Variants in LRP5 observed in about 807,000 individuals in gnomAD.
LRP5 encodes the protein low-density lipoprotein receptor-related protein 5.
LRP5 carries 62 observed loss-of-function variants against 154.1 expected under a neutral mutation model. That is an observed-to-expected ratio of 0.40 (90% confidence interval 0.33 to 0.50). The LOEUF (loss-of-function observed/expected upper bound fraction) is 0.50, where lower values mean the gene tolerates loss of function less well. Ranked by LOEUF, LRP5 falls within the 20% of genes least tolerant of loss-of-function variation. The pLI is 0.55. For missense variants in LRP5, 1,915 were observed against 2,336.7 expected (o/e 0.82, Z 3.72); for synonymous variants, 966 against 1,011.5 (o/e 0.96, Z 0.85).
At chr11:68,379,249 A>G (rs2098639054) in intron 5 of LRP5, among the ~76,000 whole-genome samples, 1 of 152,102 alleles carries the variant, frequency 6.6e-6, no homozygotes, top group South Asian at 2.1e-4. Context: ...TAGGTAAAAT[A>G]AGTACATTTT....
intron 5 of LRP5, among the ~76,000 whole-genome samples, chr11:68,372,223 GGT>G (rs2098634423): frequency 6.6e-6 from 1 of 151,810 alleles, no homozygotes. Context: ...GGACCGTGGC[GGT>G]GAGGAGGTGC....
At chr11:68,316,873 G>C (rs2098593701) in intron 1 of LRP5, among the ~76,000 whole-genome samples, 1 of 152,250 alleles carries the variant, frequency 6.6e-6, no homozygotes, top group African/African-American at 2.4e-5. Context: ...TGAGGGCCAA[G>C]TTCAGGTTAC....
chr11:68,400,609 G>A lies in LRP5; in HGVS notation c.1585-2874G>A, dbSNP rs148251928. Reference sequence around the variant, plus strand: ...TACAAAATTAGCCAGGCATGGTGGCGCCTGCCTATAATCCCAGCTAAGGCA... The same window carrying A: ...TACAAAATTAGCCAGGCATGGTGGCACCTGCCTATAATCCCAGCTAAGGCA... On this transcript the variant is annotated intron_variant, in intron 7 of 22. Coordinates refer to ENST00000294304, the MANE Select transcript of LRP5 (RefSeq NM_002335.4). 5.2e-3 allele frequency among the ~76,000 whole-genome samples: 798 copies of A among 152,012 alleles called. 6 individuals carry two copies. The highest frequency in any genetic ancestry group is 0.018 in the African/African-American group (752 of 41,468).
At chr11:68,311,170 G>A (rs577815134), upstream of LRP5, among the ~76,000 whole-genome samples, 1 of 152,294 alleles carries the variant, frequency 6.6e-6, no homozygotes, top group South Asian at 2.1e-4. Flanking sequence ...ATGCAGGGTG[G>A]AAGAAGGGAA....
Position 68,353,007 on chromosome 11 carries a change from G to C in LRP5, c.489-4643G>C, listed in dbSNP as rs868813391. ...TTGATTGGGAGGTGCTTGGCATTTG[G>C]TTGGGAGGTACTTGGTGCTTGGTTG... is the stretch of plus-strand genomic sequence containing the variant. On this transcript the variant is annotated intron_variant, in intron 2 of 22. Transcript: ENST00000294304. This position sits in a 1 kb window ranked among gnomAD's most constrained non-coding sequence, Gnocchi z 4.5. Among the ~76,000 whole-genome samples the C allele has an allele frequency of 6.6e-6, 1 of 152,154 alleles. No individual in the cohort carries two copies. The highest frequency in any genetic ancestry group is 2.1e-4 in the South Asian group (1 of 4,836).
chr11:68,425,425 G>T, intron 15 of LRP5, 133 bp downstream of exon 15: 1 of 916,116 alleles, frequency 1.1e-6, no homozygotes, highest in East Asian at 2.6e-5. Context: ...AGCGTGTTTT[G>T]TCCTCACACT....
At position 68,423,544 on chromosome 11, in the gene LRP5, A is replaced by G. The variant is rs1388021281; in HGVS notation, c.3083A>G (p.Asp1028Gly). The G allele has an allele frequency of 1.2e-6, 2 of 1,614,056 alleles. No homozygotes were observed. Among genetic ancestry groups the G allele is most frequent in the African/African-American group, 2.7e-5 (2 of 74,920 alleles). ...CAAAACCCAGACAGGCAGCCCCACG[A>G]CCTCAGCATCGACATCTACAGCCGG... ...QGQNPDRQPH[D>G]LSIDIYSRTL... is the part of the protein sequence containing the mutation. The change falls in exon 14 of 23, where the codon GAC (aspartate) becomes GGC (glycine). Residue 1028 changes from aspartate to glycine, a missense_variant. Asp to Gly is a moderately conservative substitution (Grantham distance 94). Around this residue, in one of 3 missense-constraint regions of LRP5, gnomAD observed 1,094 missense variants for 1,210.1 expected, o/e 0.90. Transcript: ENST00000294304. This position sits in a 1 kb window ranked among gnomAD's most constrained non-coding sequence, Gnocchi z 4.7.
intron 3 of LRP5, among the ~76,000 whole-genome samples, chr11:68,360,950 TC>T (rs2098627395): frequency 8.6e-6 from 1 of 116,680 alleles, no homozygotes; most frequent in African/African-American, 3.4e-5. Flanking sequence ...TGAGCTGAGA[TC>T]CCGCCACTGC....
chr11:68,412,061 G>A (rs1419516030), intron 11 of LRP5, among the ~76,000 whole-genome samples: 1 of 152,172 alleles, frequency 6.6e-6, no homozygotes, highest in Non-Finnish European at 1.5e-5. Context: ...CCCACCATGT[G>A]CTGGGATTGT....
intron 17 of LRP5, among the ~76,000 whole-genome samples, chr11:68,431,453 T>C (rs2098671869): frequency 6.6e-6 from 1 of 152,072 alleles, no homozygotes; most frequent in African/African-American, 2.4e-5. Flanking sequence ...TTGGCCAGGA[T>C]GGTCTTGAAC....
chr11:68,438,950 G>A (rs2098676589), intron 20 of LRP5, among the ~76,000 whole-genome samples: 1 of 152,190 alleles, frequency 6.6e-6, no homozygotes, highest in Admixed American at 6.5e-5. Context: ...TATTCTAGTA[G>A]GACATGTGCT....
intron 12 of LRP5, 64 bp from the exon 13 acceptor site, chr11:68,416,264 C>T: frequency 6.9e-7 from 1 of 1,446,676 alleles, no homozygotes; most frequent in Middle Eastern, 1.8e-4. Context: ...GCGTGCTATC[C>T]CGTCCTCCAG....
Position 68,389,825 on chromosome 11 carries a change from G to A in LRP5, c.1413-56G>A, listed in dbSNP as rs1460159366. On this transcript the variant is annotated intron_variant, in intron 6 of 22. Transcript: ENST00000294304. ...GGCAGGCCTTGCTCTTGGCACTGGGGATGCTGCAGAGACCAGACAGACTCA... is the reference window on the plus strand; with the variant it reads ...GGCAGGCCTTGCTCTTGGCACTGGGAATGCTGCAGAGACCAGACAGACTCA... The A allele has an allele frequency of 1.9e-6, 3 of 1,597,420 alleles. No individual in the cohort carries two copies. The African/African-American group carries it at 4.0e-5, about 21-fold the overall frequency.
chr11:68,385,463 T>C (rs1289084286), intron 5 of LRP5, among the ~76,000 whole-genome samples: 1 of 151,758 alleles, frequency 6.6e-6, no homozygotes, highest in Non-Finnish European at 1.5e-5. Flanking sequence ...TTACTGGGGG[T>C]CATCACTGTG....
At chr11:68,346,792 G>A (rs2098613331) in intron 1 of LRP5, among the ~76,000 whole-genome samples, 2 of 152,222 alleles carry the variant, frequency 1.3e-5, no homozygotes, top group Admixed American at 1.3e-4. Context: ...GCTCCCTGGA[G>A]GCCCTTAACC....
Position 68,423,446 on chromosome 11 carries a change from G to A in LRP5, c.3028-43G>A, listed in dbSNP as rs375830138. ...CAGGGGTCTCCGCCAGTGCCCAGGGGTCTCCGCCAGTGCTCAGGAGTCTTG... is the reference window on the plus strand; with the variant it reads ...CAGGGGTCTCCGCCAGTGCCCAGGGATCTCCGCCAGTGCTCAGGAGTCTTG... On this transcript the variant is annotated intron_variant, in intron 13 of 22. Coordinates refer to ENST00000294304, the MANE Select transcript of LRP5 (RefSeq NM_002335.4). The surrounding 1 kb of genome is among the most constrained non-coding windows in gnomAD (Gnocchi z 4.7). 1.9e-6 allele frequency: 3 copies of A among 1,581,524 alleles called. No homozygotes were observed. Among genetic ancestry groups the A allele is most frequent in the Admixed American group, 1.7e-5 (1 of 59,950 alleles).
At chr11:68,319,599 T>C (rs143916111) in intron 1 of LRP5, among the ~76,000 whole-genome samples, 1,916 of 152,260 alleles carry the variant, frequency 0.013, 48 homozygotes, top group African/African-American at 0.044. Flanking sequence ...CAAAGGATCT[T>C]CCTGCCTCAG....
At chr11:68,364,811 T>C (rs943631438) in intron 4 of LRP5, among the ~76,000 whole-genome samples, 9 of 152,248 alleles carry the variant, frequency 5.9e-5, no homozygotes, top group African/African-American at 2.2e-4. Context: ...AGCTGTTTCC[T>C]GGTGAGAAAG....
rs1565091716 is a variant in LRP5, at chr11:68,413,761, A to G, written c.2576A>G (p.Tyr859Cys). The change falls in exon 12 of 23, where the codon TAC becomes TGC. Residue 859 changes from tyrosine (Y) to cysteine (C), a missense_variant. This residue lies in a region of LRP5 where 1,094 missense variants were observed against 1,210.1 expected (regional missense o/e 0.90). Transcript: ENST00000294304. This position sits in a 1 kb window ranked among gnomAD's most constrained non-coding sequence, Gnocchi z 5.1. ...CTGACGCAGTACAGCGATTATATCT[A>G]CTGGACAGACTGGAATCTGCACAGC... ...FGLTQYSDYI[Y>C]WTDWNLHSIE... 1 of 1,613,496 alleles carries G rather than the reference A, an allele frequency of 6.2e-7. No homozygotes were observed. The highest frequency in any genetic ancestry group is 8.5e-7 in the Non-Finnish European group (1 of 1,179,700).
Sources: gnomAD v4.1 joint callset for allele counts (sites outside exome capture counted in the v4.1 genomes callset) on GRCh38, gnomAD v4.1.1 for gene constraint, gnomAD v4.1.1 regional missense constraint, Gnocchi (gnomAD v3.1) non-coding constraint, MANE v1.5 for transcripts, NCBI Gene and HGNC (gene_info 2026-07-23, HGNC 2026-07-21) for gene names.